The following HEATR5B variants were observed in gnomAD, a reference collection of about 807,000 sequenced individuals.
HEATR5B encodes the protein HEAT repeat-containing protein 5B.
Under a neutral mutation model 224.1 loss-of-function variants are expected in HEATR5B, and 156 were observed. The observed-to-expected ratio is 0.70, with a 90% CI of 0.61 to 0.80. HEATR5B has a LOEUF of 0.80. Ranked by LOEUF, HEATR5B falls within the 30% of genes least tolerant of loss-of-function variation. The pLI, the probability that HEATR5B is intolerant of heterozygous loss-of-function variation, is 0.00. For synonymous variants in HEATR5B, 1,027 were observed against 893.0 expected (o/e 1.15, Z -2.68); for missense variants, 2,323 against 2,535.5 (o/e 0.92, Z 1.80).
intron 17 of HEATR5B, among the ~76,000 whole-genome samples, chr2:37,052,188 T>C (rs1670600641): frequency 6.6e-6 from 1 of 150,814 alleles, no homozygotes; most frequent in African/African-American, 2.5e-5. Context: ...CTGAATAATA[T>C]AAAAAGTATT....
chr2:36,988,562 G>T, intron 35 of HEATR5B, 84 bp downstream of exon 35: 1 of 1,204,270 alleles, frequency 8.3e-7, no homozygotes, highest in Non-Finnish European at 1.2e-6. Flanking sequence ...GCGCCCAGCA[G>T]GCCTGTTTCT....
intron 33 of HEATR5B, among the ~76,000 whole-genome samples, chr2:36,997,627 C>T (rs1422458923): frequency 1.5e-5 from 2 of 133,222 alleles, no homozygotes; most frequent in Non-Finnish European, 3.0e-5. Context: ...AGTGCAGTGG[C>T]GCGATCTCGG....
chr2:36,998,840 TATAA>T (rs1256202702), intron 33 of HEATR5B, among the ~76,000 whole-genome samples: 1 of 151,978 alleles, frequency 6.6e-6, no homozygotes, highest in Non-Finnish European at 1.5e-5. Context: ...ATAACACATA[TATAA>T]ATATATATTT....
chr2:37,007,546 T>C (rs1667509959), intron 28 of HEATR5B, among the ~76,000 whole-genome samples: 1 of 152,068 alleles, frequency 6.6e-6, no homozygotes, highest in Non-Finnish European at 1.5e-5. Context: ...GGTTTCACCA[T>C]GCTGGCCAGG....
chr2:37,075,247 T>C (rs999671839), intron 5 of HEATR5B, among the ~76,000 whole-genome samples: 4 of 152,178 alleles, frequency 2.6e-5, no homozygotes, highest in African/African-American at 9.7e-5. Flanking sequence ...GAATGAACTA[T>C]GGATACATAT....
intron 18 of HEATR5B, among the ~76,000 whole-genome samples, chr2:37,045,365 G>T (rs942195861): frequency 2.6e-5 from 4 of 151,896 alleles, no homozygotes; most frequent in East Asian, 3.8e-4. Context: ...TTTTTTCTGG[G>T]ATACAGTTCA....
rs1429240684 is a variant in HEATR5B at position 37,079,306 on chromosome 2, T to C, written c.152A>G (p.Lys51Arg). 1.2e-6 allele frequency: 2 copies of C among 1,607,724 alleles called. No individual in the cohort carries two copies. The highest frequency in any genetic ancestry group is 1.7e-6 in the Non-Finnish European group (2 of 1,177,942). ...TAATCCAGTTAATTGTTCAACAAGT[T>C]TTTTCTGTTTTTCCTTTACATCGGT... ...NKTDVKEKQK[K>R]LVEQLTGLIS... The change falls in exon 3 of 36, where the codon AAA (lysine) becomes AGA (arginine). Residue 51 changes from lysine to arginine, a missense_variant. Lys to Arg is a conservative substitution (Grantham distance 26, BLOSUM62 2). Coordinates refer to ENST00000233099, the MANE Select transcript of HEATR5B (RefSeq NM_019024.3).
At chr2:37,075,445 A>G (rs1402971760) in intron 5 of HEATR5B, 40 bp downstream of exon 5, 1 of 1,508,014 alleles carries the variant, frequency 6.6e-7, no homozygotes, top group East Asian at 2.4e-5. Flanking sequence ...TAAGAGCAAG[A>G]AGGATAAAGA....
intron 6 of HEATR5B, 36 bp downstream of exon 6, chr2:37,072,074 T>C: frequency 1.3e-6 from 2 of 1,536,804 alleles, no homozygotes; most frequent in East Asian, 2.3e-5. Context: ...ACTAATTAGG[T>C]CTGTTATGGT....
Position 37,038,913 on chromosome 2 carries a change from G to GC in HEATR5B, c.3047-890_3047-889insG, listed in dbSNP as rs1394877360. ...AGACTCTGTCTCCCTGGGGTGGGGG[G>GC]GGTGGGGAATCACATATTTTTCAAT... is the stretch of plus-strand genomic sequence containing the variant. On this transcript the variant is annotated intron_variant, in intron 20 of 35. Coordinates refer to ENST00000233099, the MANE Select transcript of HEATR5B (RefSeq NM_019024.3). 6.8e-5 allele frequency among the ~76,000 whole-genome samples: 9 copies of GC among 132,000 alleles called. 1 individual carries two copies. Among genetic ancestry groups the GC allele is most frequent in the Non-Finnish European group, 9.9e-5 (6 of 60,622 alleles). The allele number at this position is 132,000 out of a possible 152,430, so 86.6% of individuals were successfully genotyped here.
intron 33 of HEATR5B, among the ~76,000 whole-genome samples, chr2:36,997,343 C>A (rs1666787431): frequency 6.6e-6 from 1 of 151,956 alleles, no homozygotes; most frequent in Admixed American, 6.6e-5. Context: ...TGCCACCATG[C>A]CCAGCTAATT....
At chr2:37,074,392 T>G (rs920165587) in intron 5 of HEATR5B, among the ~76,000 whole-genome samples, 2 of 151,192 alleles carry the variant, frequency 1.3e-5, no homozygotes, top group Non-Finnish European at 2.9e-5. Flanking sequence ...CAAAAAATTT[T>G]GATTCAAACC....
At chr2:37,038,182 C>T (rs1462828616) in intron 20 of HEATR5B, among the ~76,000 whole-genome samples, 158 bp from the exon 21 acceptor site, 1 of 152,128 alleles carries the variant, frequency 6.6e-6, no homozygotes, top group African/African-American at 2.4e-5. Flanking sequence ...CTCTGTCGCC[C>T]AGGCTAGAGT....
At chr2:37,010,148 T>C (rs1196355784) in intron 27 of HEATR5B, among the ~76,000 whole-genome samples, 5 of 152,182 alleles carry the variant, frequency 3.3e-5, no homozygotes, top group Admixed American at 2.0e-4. Context: ...AGGCTTTGGC[T>C]ACTGGCACAT....
chr2:37,001,806 G>A (rs985691205), intron 32 of HEATR5B, among the ~76,000 whole-genome samples: 3 of 81,074 alleles, frequency 3.7e-5, no homozygotes, highest in African/African-American at 1.3e-4. Context: ...TGGGATTACA[G>A]GGCATACGCC....
chr2:37,084,288 G>A lies in HEATR5B; in HGVS notation c.-42C>T, dbSNP rs1672835975. ...CCTCACCTCGTAGTCTGGAAGGGAA[G>A]ATCAGCTGAGCTCCGGGGGTAGAAG... On this transcript the variant is annotated 5_prime_UTR_variant, in exon 1 of 36. Transcript: ENST00000233099. 1.3e-5 allele frequency: 5 copies of A among 395,124 alleles called. No individual in the cohort carries two copies. The highest frequency in any genetic ancestry group is 1.8e-5 in the Non-Finnish European group (4 of 224,400). 24.5% of individuals were successfully genotyped at this position (395,124 alleles called of 1,614,324 possible). A position where few individuals can be genotyped will look rare whatever the true frequency, so the allele number is the denominator to read the frequency against.
chr2:37,049,888 C>CATT (rs1190409900), intron 17 of HEATR5B, 45 bp from the exon 18 acceptor site: 9 of 1,424,558 alleles, frequency 6.3e-6, no homozygotes, highest in South Asian at 1.4e-5. Flanking sequence ...ATTCATAATT[C>CATT]ATTATTATTA....
At chr2:37,021,962 A>G (rs1287926774) in intron 24 of HEATR5B, among the ~76,000 whole-genome samples, 1 of 151,436 alleles carries the variant, frequency 6.6e-6, no homozygotes, top group African/African-American at 2.4e-5. Context: ...ATCACTGCTT[A>G]CCCTTCGTTC....
chr2:37,057,589 C>G (rs1434288992), intron 14 of HEATR5B, 109 bp from the exon 15 acceptor site: 10 of 655,000 alleles, frequency 1.5e-5, no homozygotes, highest in Admixed American at 3.6e-5. Context: ...ATAATTAAGT[C>G]TCTGTTCTCT....
Sources: allele counts gnomAD v4.1 joint callset (sites outside exome capture counted in the v4.1 genomes callset), GRCh38; gene constraint gnomAD v4.1.1; transcripts MANE v1.5; gene names NCBI Gene and HGNC (gene_info 2026-07-23, HGNC 2026-07-21).